Variants in SMAGP observed in about 807,000 individuals in gnomAD.
SMAGP encodes small cell transmembrane and glycosylated protein.
Under a neutral mutation model 10.1 loss-of-function variants are expected in SMAGP, and 7 were observed. The ratio of observed to expected loss-of-function variants is 0.70; its 90% confidence interval spans 0.40 to 1.31. The LOEUF (loss-of-function observed/expected upper bound fraction) is 1.31, where lower values mean the gene tolerates loss of function less well. SMAGP is among the 50% of genes most tolerant of loss of function. The pLI, the probability that SMAGP is intolerant of heterozygous loss-of-function variation, is 0.01. For missense variants in SMAGP, 113 were observed against 116.5 expected (o/e 0.97, Z 0.14); for synonymous variants, 49 against 47.2 (o/e 1.04, Z -0.16).
At chr12:51,250,511 G>T (rs11169782) in intron 2 of SMAGP, among the ~76,000 whole-genome samples, 72,448 of 145,094 alleles carry the variant, frequency 0.5, 19,353 homozygotes, top group Non-Finnish European at 0.63. Context: ...TTTTTTTTTT[G>T]TTTTTTTTTT....
chr12:51,263,604 A>T (rs1007020099), intron 2 of SMAGP, among the ~76,000 whole-genome samples: 1 of 152,170 alleles, frequency 6.6e-6, no homozygotes, highest in Non-Finnish European at 1.5e-5. Context: ...AATTATTTTT[A>T]AAATAAAATA....
intron 2 of SMAGP, among the ~76,000 whole-genome samples, chr12:51,247,469 T>C (rs1592230887): frequency 1.3e-5 from 2 of 152,022 alleles, no homozygotes; most frequent in South Asian, 4.1e-4. Flanking sequence ...CTAAAATAGA[T>C]CCTGCACCCC....
chr12:51,269,461 TCTC>T, intron 1 of SMAGP, 145 bp from the exon 2 acceptor site: 1 of 628,496 alleles, frequency 1.6e-6, no homozygotes, highest in South Asian at 1.9e-5. Flanking sequence ...TCCCTGAATA[TCTC>T]CTCAGGCTCC....
At chr12:51,268,110 G>C (rs2137313456) in intron 2 of SMAGP, among the ~76,000 whole-genome samples, 1 of 152,310 alleles carries the variant, frequency 6.6e-6, no homozygotes, top group South Asian at 2.1e-4. Flanking sequence ...GTGCTGAGCA[G>C]TAGTGCCCGG....
intron 2 of SMAGP, among the ~76,000 whole-genome samples, chr12:51,267,052 G>A (rs1478151074): frequency 6.6e-6 from 1 of 152,158 alleles, no homozygotes; most frequent in Non-Finnish European, 1.5e-5. Flanking sequence ...GGGGGCGGAG[G>A]TTGCAGTGAA....
chr12:51,258,340 G>C (rs571803209), intron 2 of SMAGP, among the ~76,000 whole-genome samples: 1 of 152,304 alleles, frequency 6.6e-6, no homozygotes, highest in Admixed American at 6.5e-5. Flanking sequence ...CCAGCATTTT[G>C]GGAGGCTGAG....
chr12:51,260,980 G>A (rs1944927589), intron 2 of SMAGP, among the ~76,000 whole-genome samples: 1 of 151,000 alleles, frequency 6.6e-6, no homozygotes, highest in Non-Finnish European at 1.5e-5. Context: ...TAGTAGAGAG[G>A]GGGTTTCACC....
Position 51,245,817 on chromosome 12 carries a change from T to C in SMAGP, c.*124A>G. 2.6e-6 allele frequency: 3 copies of C among 1,136,084 alleles called. No homozygotes were observed. The highest frequency in any genetic ancestry group is 3.7e-6 in the Non-Finnish European group (3 of 810,418). The allele number at this position is 1,136,084 out of a possible 1,614,324, so 70.4% of individuals were successfully genotyped here. A position where few individuals can be genotyped will look rare whatever the true frequency, so the allele number is the denominator to read the frequency against. ...TCGGCATTTGGGACTGCGACCTGGC[T>C]GGAGCTTGGATTTGCCCACATCAAT... On this transcript the variant is annotated 3_prime_UTR_variant, in exon 4 of 4. Coordinates refer to ENST00000603798, the MANE Select transcript of SMAGP (RefSeq NM_001031628.2).
In SMAGP at chr12:51,245,683, A is replaced by G; in HGVS notation, c.*258T>C. 2.2e-6 allele frequency: 1 copy of G among 447,950 alleles called. No homozygotes were observed. Among genetic ancestry groups the G allele is most frequent in the South Asian group, 3.6e-5 (1 of 27,556 alleles). The allele number at this position is 447,950 out of a possible 1,614,324, so 27.7% of individuals were successfully genotyped here. A position where few individuals can be genotyped will look rare whatever the true frequency, so the allele number is the denominator to read the frequency against. ...GGCACATACTCAGATGTCCCCTGGC[A>G]TAGCCACATCTTGTTGGCCAGTCAC... On this transcript the variant is annotated 3_prime_UTR_variant, in exon 4 of 4. Coordinates refer to ENST00000603798, the MANE Select transcript of SMAGP (RefSeq NM_001031628.2).
At chr12:51,246,313 T>C (rs532522059) in intron 3 of SMAGP, 194 bp from the exon 4 acceptor site, 1 of 734,352 alleles carries the variant, frequency 1.4e-6, no homozygotes, top group African/African-American at 1.8e-5. Flanking sequence ...AGTCTCCTGG[T>C]GCTTAAGCTA....
intron 2 of SMAGP, 75 bp downstream of exon 2, chr12:51,269,170 G>A (rs1945003746): frequency 6.4e-7 from 1 of 1,554,528 alleles, no homozygotes; most frequent in East Asian, 2.2e-5. Context: ...CTGGGCTGAG[G>A]CTTCCAGGAC....
chr12:51,248,424 ACACACACACACTCTCTCTCTCT>A (rs1274952529), intron 2 of SMAGP, among the ~76,000 whole-genome samples: 28 of 112,442 alleles, frequency 2.5e-4, no homozygotes, highest in South Asian at 7.5e-4. Flanking sequence ...ACACACACAC[ACACACACACACTCTCTCTCTCT>A]CTCTCTCTCT....
chr12:51,268,352 T>C (rs1295938069), intron 2 of SMAGP, among the ~76,000 whole-genome samples: 2 of 152,104 alleles, frequency 1.3e-5, no homozygotes, highest in Non-Finnish European at 2.9e-5. Context: ...GGTACTATTT[T>C]CCCTATTTTG....
In SMAGP at chr12:51,269,320, T is replaced by C; in HGVS notation, c.-38-4A>G. 1 of 1,611,918 alleles carries C rather than the reference T, an allele frequency of 6.2e-7. No homozygotes were observed. The highest frequency in any genetic ancestry group is 8.5e-7 in the Non-Finnish European group (1 of 1,178,090). On this transcript the variant is annotated splice_polypyrimidine_tract_variant and splice_region_variant and intron_variant, in intron 1 of 3. Transcript: ENST00000603798. ...GTTTCTTGGAGAAGAGGCAGATCTG[T>C]AGGAAGAGGGGCAAAGACAGGAATG...
intron 2 of SMAGP, among the ~76,000 whole-genome samples, chr12:51,250,507 TTTTG>T (rs1487042497): frequency 5.4e-5 from 5 of 92,738 alleles, no homozygotes; most frequent in Admixed American, 2.2e-4. Flanking sequence ...TGTGTTTTTT[TTTTG>T]TTTTTTTTTT....
At chr12:51,258,592 CAAAA>C (rs35408875) in intron 2 of SMAGP, among the ~76,000 whole-genome samples, 2 of 129,420 alleles carry the variant, frequency 1.5e-5, no homozygotes, top group African/African-American at 2.9e-5. Context: ...GACTCCATCT[CAAAA>C]AAAAAAAAGA....
intron 2 of SMAGP, among the ~76,000 whole-genome samples, chr12:51,253,909 C>CA (rs886863784): frequency 2.7e-5 from 4 of 149,556 alleles, no homozygotes; most frequent in East Asian, 2.0e-4. Flanking sequence ...CTGTCTCAAA[C>CA]AAAAAAAAAG....
At chr12:51,261,088 CTTAA>C (rs1944928303) in intron 2 of SMAGP, among the ~76,000 whole-genome samples, 3 of 113,610 alleles carry the variant, frequency 2.6e-5, no homozygotes, top group African/African-American at 8.8e-5. Context: ...CGTGCCCAGC[CTTAA>C]TTTTTTTTTT....
intron 2 of SMAGP, among the ~76,000 whole-genome samples, chr12:51,250,046 A>G (rs1044039294): frequency 1.3e-5 from 2 of 151,802 alleles, no homozygotes; most frequent in African/African-American, 4.8e-5. Context: ...CTACTTAAAT[A>G]TTATTTAAGG....
Sources: allele counts gnomAD v4.1 joint callset (sites outside exome capture counted in the v4.1 genomes callset), GRCh38; gene constraint gnomAD v4.1.1; transcripts MANE v1.5; gene names NCBI Gene and HGNC (gene_info 2026-07-23, HGNC 2026-07-21).